Variants in FRMPD1 observed in about 807,000 individuals in gnomAD.
The protein encoded by FRMPD1 is FERM and PDZ domain-containing protein 1.
In FRMPD1, 76 loss-of-function variants were observed where a neutral mutation model predicts 117.8. The observed-to-expected ratio is 0.65, with a 90% CI of 0.54 to 0.78. The LOEUF is 0.78. Among genes scored for constraint, FRMPD1 ranks in the 30% least tolerant of loss-of-function variants. The pLI, the probability that FRMPD1 is intolerant of heterozygous loss-of-function variation, is 0.00. For synonymous variants in FRMPD1, 783 were observed against 770.4 expected (o/e 1.02, Z -0.27); for missense variants, 1,786 against 1,964.5 (o/e 0.91, Z 1.72).
At chr9:37,670,097 C>A (rs922218077) in intron 1 of FRMPD1, 1 of 152,056 alleles carries the variant, frequency 6.6e-6, no homozygotes, top group Non-Finnish European at 1.5e-5. Context: ...ATGTTTTCTG[C>A]GTTTAAAACT....
At position 37,740,413 on chromosome 9, in the gene FRMPD1, C is replaced by T; in HGVS notation, c.1885C>T (p.His629Tyr). The change falls in exon 15 of 16, where the codon CAC (histidine) becomes TAC (tyrosine). Residue 629 changes from histidine (H) to tyrosine (Y), a missense_variant. By Grantham distance (83) the His-to-Tyr change is moderately conservative. Coordinates refer to ENST00000377765, the MANE Select transcript of FRMPD1 (RefSeq NM_014907.3). This position sits in a 1 kb window ranked among gnomAD's most constrained non-coding sequence, Gnocchi z 4.2. ...TCSSSRSTFF[H>Y]FGSPGLAESI... ...CTCCTCCAGCAGGTCCACCTTCTTC[C>T]ACTTTGGCTCGCCAGGCCTCGCAGA... 1 of 1,614,162 alleles carries T rather than the reference C, an allele frequency of 6.2e-7. No homozygotes were observed. Among genetic ancestry groups the T allele is most frequent in the Non-Finnish European group, 8.5e-7 (1 of 1,180,014 alleles).
Position 37,737,095 on chromosome 9 carries a change from G to A in FRMPD1, c.1402-1G>A, listed in dbSNP as rs1178566805. On this transcript the variant is annotated splice_acceptor_variant, in intron 13 of 15. Coordinates refer to ENST00000377765, the MANE Select transcript of FRMPD1 (RefSeq NM_014907.3). LOFTEE classifies it high-confidence loss of function. ...CATGAGATTTCTATTTGCTTTCAAA[G>A]GTTCTGACTTTGCTGCTGGAATCCA... 6.2e-7 allele frequency: 1 copy of A among 1,610,924 alleles called. No homozygotes were observed. Among genetic ancestry groups the A allele is most frequent in the Non-Finnish European group, 8.5e-7 (1 of 1,177,350 alleles).
At chr9:37,656,779 C>T (rs934620800) in intron 1 of FRMPD1, among the ~76,000 whole-genome samples, 2 of 151,902 alleles carry the variant, frequency 1.3e-5, no homozygotes, top group Admixed American at 1.3e-4. Flanking sequence ...GGGCAGAAGC[C>T]ATTATTTTCA....
intron 2 of FRMPD1, among the ~76,000 whole-genome samples, chr9:37,706,675 T>C (rs1822716171): frequency 6.6e-6 from 1 of 152,216 alleles, no homozygotes; most frequent in Non-Finnish European, 1.5e-5. Flanking sequence ...AAAGTTGATA[T>C]AGAGGGAGTC....
intron 6 of FRMPD1, among the ~76,000 whole-genome samples, chr9:37,721,821 T>C (rs886232213): frequency 2.0e-5 from 3 of 152,208 alleles, no homozygotes; most frequent in Non-Finnish European, 4.4e-5. Context: ...CCATTAAAAT[T>C]ATGAACATTA....
the FRMPD1 span, among the ~76,000 whole-genome samples, chr9:37,627,421 A>G: frequency 1.3e-5 from 2 of 152,246 alleles, no homozygotes; most frequent in African/African-American, 4.8e-5. Context: ...CTTAAGAGTT[A>G]GAGTCCTCTC....
chr9:37,737,324 T>C, intron 14 of FRMPD1, 81 bp downstream of exon 14: 1 of 1,281,272 alleles, frequency 7.8e-7, no homozygotes, highest in East Asian at 2.3e-5. Context: ...AGGGAGGTGG[T>C]GAATTGAATT....
chr9:37,708,677 T>C (rs565732536), intron 4 of FRMPD1, among the ~76,000 whole-genome samples, 176 bp downstream of exon 4: 21 of 152,200 alleles, frequency 1.4e-4, no homozygotes, highest in Non-Finnish European at 2.9e-4. Context: ...TGTTAGTGGC[T>C]GTTACAGTCC....
chr9:37,608,808 C>G, the FRMPD1 span, among the ~76,000 whole-genome samples: 2 of 152,274 alleles, frequency 1.3e-5, no homozygotes, highest in East Asian at 3.9e-4. Flanking sequence ...GTATTGTGTG[C>G]TAGGCCCTGT....
At chr9:37,708,323 T>G in intron 3 of FRMPD1, 76 bp from the exon 4 acceptor site, 1 of 863,828 alleles carries the variant, frequency 1.2e-6, no homozygotes, top group Non-Finnish European at 1.9e-6. Context: ...AGGGTGCCAT[T>G]TAACTGTGCC....
the FRMPD1 span, among the ~76,000 whole-genome samples, chr9:37,613,354 A>G: frequency 8.1e-4 from 123 of 152,336 alleles, no homozygotes; most frequent in East Asian, 0.02. Context: ...GGTAGATGAG[A>G]TTGACAGTAA....
At chr9:37,725,989 C>G (rs545825861) in intron 7 of FRMPD1, among the ~76,000 whole-genome samples, 1 of 152,126 alleles carries the variant, frequency 6.6e-6, no homozygotes, top group Admixed American at 6.5e-5. Flanking sequence ...TAAAGCAAGT[C>G]CCCCTTTGGT....
intron 1 of FRMPD1, among the ~76,000 whole-genome samples, chr9:37,684,634 C>T (rs1356478528): frequency 6.6e-6 from 1 of 152,146 alleles, no homozygotes; most frequent in African/African-American, 2.4e-5. Context: ...TGAACTCAGG[C>T]AGTAGCACTG....
At chr9:37,716,219 C>G (rs1237952779) in intron 5 of FRMPD1, among the ~76,000 whole-genome samples, 1 of 152,194 alleles carries the variant, frequency 6.6e-6, no homozygotes, top group Non-Finnish European at 1.5e-5. Flanking sequence ...TGGTGACCAA[C>G]TAAATACTGA....
chr9:37,667,083 A>G (rs1821184943), intron 1 of FRMPD1, among the ~76,000 whole-genome samples: 1 of 69,826 alleles, frequency 1.4e-5, no homozygotes, highest in Non-Finnish European at 2.5e-5. Context: ...TTTTTTCCTG[A>G]GACAGGGTCT....
At chr9:37,726,828 C>T (rs901263527) in intron 7 of FRMPD1, among the ~76,000 whole-genome samples, 1 of 151,996 alleles carries the variant, frequency 6.6e-6, no homozygotes, top group African/African-American at 2.4e-5. Flanking sequence ...AACGAGGTAC[C>T]GGTGTGCTTA....
At chr9:37,657,547 G>A (rs1284733461) in intron 1 of FRMPD1, among the ~76,000 whole-genome samples, 1 of 152,210 alleles carries the variant, frequency 6.6e-6, no homozygotes, top group Non-Finnish European at 1.5e-5. Context: ...CTGGTTAGAA[G>A]ATGATGTCTC....
chr9:37,633,927 C>T, the FRMPD1 span, among the ~76,000 whole-genome samples: 3 of 152,144 alleles, frequency 2.0e-5, no homozygotes, highest in Admixed American at 6.5e-5. Context: ...TAAATGTTCC[C>T]ACCATAATAG....
chr9:37,653,166 A>G (rs1820732592), intron 1 of FRMPD1, among the ~76,000 whole-genome samples: 1 of 152,162 alleles, frequency 6.6e-6, no homozygotes, highest in Non-Finnish European at 1.5e-5. Context: ...GCTGTGGAGT[A>G]TTGGGCCTCC....
Sources: gnomAD v4.1 joint callset for allele counts (sites outside exome capture counted in the v4.1 genomes callset) on GRCh38, gnomAD v4.1.1 for gene constraint, Gnocchi (gnomAD v3.1) non-coding constraint, MANE v1.5 for transcripts, NCBI Gene and HGNC (gene_info 2026-07-23, HGNC 2026-07-21) for gene names.